TENM2: variants seen among roughly 807,000 people sequenced by gnomAD.
TENM2 encodes the protein teneurin-2.
A neutral mutation model predicts 245.2 loss-of-function variants in TENM2; 52 were observed. That is an observed-to-expected ratio of 0.21 (90% CI 0.17 to 0.27). The LOEUF is 0.27. Ranked by LOEUF, TENM2 falls within the 10% of genes least tolerant of loss-of-function variation. The pLI, the probability that TENM2 is intolerant of heterozygous loss-of-function variation, is 1.00. For missense variants in TENM2, 3,046 were observed against 3,666.8 expected, an observed-to-expected ratio of 0.83 and a Z score of 4.37; for synonymous variants, 1,363 against 1,438.9, an observed-to-expected ratio of 0.95 and a Z score of 1.19.
At chr5:167,743,188 AG>A in intron 2 of TENM2, among the ~76,000 whole-genome samples, 1 of 152,262 alleles carries the variant, frequency 6.6e-6, no homozygotes, top group East Asian at 1.9e-4. Context: ...AAAGTCCAAT[AG>A]TTGTTGACTA....
chr5:168,259,535 C>G (rs973761134), intron 27 of TENM2, among the ~76,000 whole-genome samples: 3 of 152,098 alleles, frequency 2.0e-5, no homozygotes, highest in Non-Finnish European at 2.9e-5. Flanking sequence ...TTGCAGTGAG[C>G]TGAGATTGCG....
At chr5:167,709,391 A>C (rs759710805) in intron 2 of TENM2, among the ~76,000 whole-genome samples, 1 of 152,196 alleles carries the variant, frequency 6.6e-6, no homozygotes, top group Non-Finnish European at 1.5e-5. Flanking sequence ...CCTCCAGTGC[A>C]TCCAGGCCAT....
intron 2 of TENM2, among the ~76,000 whole-genome samples, chr5:167,591,124 A>T (rs1452405505): frequency 6.6e-6 from 1 of 152,240 alleles, no homozygotes; most frequent in African/African-American, 2.4e-5. Flanking sequence ...TGTAAGATGT[A>T]ACCCATAGAA....
chr5:168,152,452 A>T (rs996816085), intron 12 of TENM2, among the ~76,000 whole-genome samples: 1 of 152,216 alleles, frequency 6.6e-6, no homozygotes, highest in African/African-American at 2.4e-5. Flanking sequence ...AGAAGTAACA[A>T]GTCCGTGCCC....
At chr5:167,571,015 G>A (rs1774232468) in intron 2 of TENM2, among the ~76,000 whole-genome samples, 1 of 152,162 alleles carries the variant, frequency 6.6e-6, no homozygotes, top group Non-Finnish European at 1.5e-5. Flanking sequence ...GGAATTTGAA[G>A]AACTGTAGCT....
chr5:167,390,433 C>T (rs1257870319), intron 2 of TENM2, among the ~76,000 whole-genome samples: 3 of 152,080 alleles, frequency 2.0e-5, no homozygotes, highest in East Asian at 1.9e-4. Context: ...GAGACAGAAT[C>T]GAGTAAATTA....
chr5:167,755,201 G>T (rs780677896), intron 2 of TENM2: 15 of 1,595,490 alleles, frequency 9.4e-6, no homozygotes, highest in Non-Finnish European at 1.0e-5. Context: ...GGGTAAGGAT[G>T]ATGGATGTGC....
intron 2 of TENM2, chr5:167,754,884 C>G (rs919462916): frequency 2.4e-6 from 2 of 843,906 alleles, no homozygotes; most frequent in Admixed American, 6.4e-5. Context: ...CTGAGGCTGT[C>G]TACAGGGAAG....
At chr5:168,015,297 A>G (rs1159296212) in intron 5 of TENM2, among the ~76,000 whole-genome samples, 1 of 152,214 alleles carries the variant, frequency 6.6e-6, no homozygotes, top group African/African-American at 2.4e-5. Context: ...TCTGTGGTGG[A>G]CAGCAGGCAT....
chr5:167,284,537 A>G (rs1175255227), upstream of TENM2, among the ~76,000 whole-genome samples: 1 of 152,242 alleles, frequency 6.6e-6, no homozygotes, highest in Admixed American at 6.5e-5. Context: ...TGTTGTTACT[A>G]TTTTTTTCCA....
At chr5:167,907,035 C>A (rs1309490958) in intron 3 of TENM2, among the ~76,000 whole-genome samples, 2 of 151,968 alleles carry the variant, frequency 1.3e-5, no homozygotes, top group East Asian at 1.9e-4. Flanking sequence ...GAGTTCGAGA[C>A]CAGCCTGACC....
chr5:167,669,918 T>G (rs1225733871), intron 2 of TENM2, among the ~76,000 whole-genome samples: 1 of 152,060 alleles, frequency 6.6e-6, no homozygotes, highest in African/African-American at 2.4e-5. Context: ...ATAAGTAGAT[T>G]AGTTAGAACA....
intron 2 of TENM2, among the ~76,000 whole-genome samples, chr5:167,669,845 T>C (rs1470106230): frequency 1.4e-5 from 2 of 146,526 alleles, no homozygotes; most frequent in Non-Finnish European, 3.0e-5. Context: ...GCAAAATCTA[T>C]TGCTGCCACT....
At chr5:167,142,983 A>G in the TENM2 span, among the ~76,000 whole-genome samples, 29 of 152,208 alleles carry the variant, frequency 1.9e-4, no homozygotes, top group Non-Finnish European at 2.4e-4. Context: ...CCTGTTTTCT[A>G]TCTCTACAAT....
intron 2 of TENM2, among the ~76,000 whole-genome samples, chr5:167,857,569 A>G (rs1034528701): frequency 2.0e-5 from 3 of 152,092 alleles, no homozygotes; most frequent in African/African-American, 7.2e-5. Flanking sequence ...CATGCTTCCC[A>G]TACCATCTCA....
chr5:167,736,742 G>A (rs1391819502), intron 2 of TENM2, among the ~76,000 whole-genome samples: 2 of 151,166 alleles, frequency 1.3e-5, no homozygotes, highest in Admixed American at 1.3e-4. Context: ...TGGAGAGGAA[G>A]GAATCCCCGA....
intron 4 of TENM2, among the ~76,000 whole-genome samples, chr5:167,964,495 A>G (rs1415653108): frequency 6.6e-6 from 1 of 152,242 alleles, no homozygotes; most frequent in Non-Finnish European, 1.5e-5. Context: ...AGAAATAGCT[A>G]TGAGAACCTA....
intron 2 of TENM2, among the ~76,000 whole-genome samples, chr5:167,385,854 A>ATG (rs1201413273): frequency 5.9e-4 from 77 of 130,198 alleles, no homozygotes; most frequent in East Asian, 1.3e-3. Context: ...CATTATATAT[A>ATG]TATGTGTGTG....
At chr5:167,272,468 T>C in the TENM2 span, among the ~76,000 whole-genome samples, 1 of 152,200 alleles carries the variant, frequency 6.6e-6, no homozygotes, top group Admixed American at 6.6e-5. Flanking sequence ...AGTTTTCTGA[T>C]TGAGCTTTTA....
Sources: gnomAD v4.1 joint callset for allele counts (sites outside exome capture counted in the v4.1 genomes callset) on GRCh38, gnomAD v4.1.1 for gene constraint, MANE v1.5 for transcripts, NCBI Gene and HGNC (gene_info 2026-07-23, HGNC 2026-07-21) for gene names.